Variants in AFF3 observed in about 807,000 individuals in gnomAD.
The protein encoded by AFF3 is AF4/FMR2 family member 3.
In AFF3, 32 loss-of-function variants were observed where a neutral mutation model predicts 129.7. That is an observed-to-expected ratio of 0.25 (90% CI 0.19 to 0.33). The LOEUF is 0.33. Among genes scored for constraint, AFF3 ranks in the 10% least tolerant of loss-of-function variants. AFF3 has a pLI of 1.00. For missense variants in AFF3, 1,373 were observed against 1,592.0 expected (o/e 0.86, Z 2.34); for synonymous variants, 644 against 635.4 (o/e 1.01, Z -0.20).
chr2:99,811,634 C>T (rs1267105330), intron 8 of AFF3, among the ~76,000 whole-genome samples: 4 of 152,132 alleles, frequency 2.6e-5, no homozygotes, highest in Admixed American at 1.3e-4. Context: ...TAAAGTATGC[C>T]CCTTGCAGAG....
At chr2:99,954,763 T>C (rs1344717558) in intron 7 of AFF3, among the ~76,000 whole-genome samples, 1 of 84,120 alleles carries the variant, frequency 1.2e-5, no homozygotes, top group African/African-American at 4.8e-5. Context: ...TGGGGACTGT[T>C]GTGGGGTGGG....
intron 7 of AFF3, among the ~76,000 whole-genome samples, chr2:99,861,958 C>A (rs1298920267): frequency 2.6e-5 from 4 of 152,166 alleles, no homozygotes; most frequent in Non-Finnish European, 4.4e-5. Context: ...CACTCCCCAT[C>A]TGCCACCTTT....
At chr2:100,073,958 G>A (rs1488440934) in intron 4 of AFF3, among the ~76,000 whole-genome samples, 1 of 152,210 alleles carries the variant, frequency 6.6e-6, no homozygotes, top group African/African-American at 2.4e-5. Context: ...CACGTGATCT[G>A]TATAATAGGG....
At chr2:99,922,119 G>A (rs1437596931) in intron 7 of AFF3, among the ~76,000 whole-genome samples, 2 of 152,152 alleles carry the variant, frequency 1.3e-5, no homozygotes, top group Non-Finnish European at 2.9e-5. Context: ...AAAAACCGCT[G>A]ACTAAGTATG....
chr2:99,820,464 C>T (rs148891042), intron 8 of AFF3, among the ~76,000 whole-genome samples: 99 of 152,078 alleles, frequency 6.5e-4, no homozygotes, highest in African/African-American at 2.3e-3. Context: ...CTGGGTGAGT[C>T]AGTGAGTGAG....
At position 99,548,401 on chromosome 2, in the gene AFF3, G is replaced by A. The variant is rs1674179563; in HGVS notation, c.*3073C>T. The A allele has an allele frequency of 5.1e-6, 1 of 196,718 alleles. No individual in the cohort carries two copies. The highest frequency in any genetic ancestry group is 7.9e-5 in the East Asian group (1 of 12,630). 12.2% of individuals were successfully genotyped at this position (196,718 alleles called of 1,614,324 possible). ...TCTGCACTGTTTGAGTTTTTACAAT[G>A]AGTAGATATTACTTTTCTAATTAGA... On this transcript the variant is annotated 3_prime_UTR_variant, in exon 25 of 25. Coordinates refer to ENST00000672756, the MANE Select transcript of AFF3 (RefSeq NM_001386135.1).
chr2:99,805,121 T>C (rs1322441228), intron 8 of AFF3, among the ~76,000 whole-genome samples: 10 of 152,168 alleles, frequency 6.6e-5, no homozygotes, highest in African/African-American at 1.7e-4. Flanking sequence ...CTTAGTGTAA[T>C]TGACAGCAAA....
At chr2:99,805,851 C>CACAT (rs57054788) in intron 8 of AFF3, among the ~76,000 whole-genome samples, 3 of 150,442 alleles carry the variant, frequency 2.0e-5, no homozygotes, top group South Asian at 2.1e-4. Context: ...CACACACACA[C>CACAT]GATGAAGGAA....
chr2:99,933,150 T>C (rs1323927566), intron 7 of AFF3, among the ~76,000 whole-genome samples: 2 of 151,760 alleles, frequency 1.3e-5, no homozygotes, highest in East Asian at 3.9e-4. Context: ...CCGGAGGTCT[T>C]TTTTTTTAAA....
chr2:99,775,867 A>C (rs987682654), intron 8 of AFF3, among the ~76,000 whole-genome samples: 5 of 152,178 alleles, frequency 3.3e-5, no homozygotes, highest in Non-Finnish European at 5.9e-5. Flanking sequence ...AAATACCCCG[A>C]AACATGAATA....
chr2:100,118,455 G>T (rs1035379478), intron 2 of AFF3, among the ~76,000 whole-genome samples: 1 of 152,144 alleles, frequency 6.6e-6, no homozygotes, highest in African/African-American at 2.4e-5. Flanking sequence ...GATGGTTATA[G>T]CTCCATTGTT....
rs191882609 is a variant in AFF3, at chr2:99,765,849, A to G, written c.922-13548T>C. 3.9e-5 allele frequency among the ~76,000 whole-genome samples: 6 copies of G among 152,360 alleles called. No homozygotes were observed. The East Asian group carries it at 1.2e-3, about 29-fold the overall frequency. On this transcript the variant is annotated intron_variant, in intron 8 of 24. Coordinates refer to ENST00000672756, the MANE Select transcript of AFF3 (RefSeq NM_001386135.1). ...TTAATAAAAATGTGCTTATTAAACA[A>G]TAATTTGCTTCCTTAACTCCCTTCA...
intron 4 of AFF3, among the ~76,000 whole-genome samples, chr2:100,014,259 C>T (rs1682801658): frequency 6.6e-6 from 1 of 152,044 alleles, no homozygotes; most frequent in African/African-American, 2.4e-5. Flanking sequence ...ATCCAAACTA[C>T]TGATATGTCT....
At chr2:99,783,221 T>A (rs1472270998) in intron 8 of AFF3, among the ~76,000 whole-genome samples, 1 of 152,228 alleles carries the variant, frequency 6.6e-6, no homozygotes, top group East Asian at 1.9e-4. Flanking sequence ...TGCCATGCAC[T>A]GCCAACCCCT....
chr2:99,732,953 G>A (rs770924956), intron 10 of AFF3, among the ~76,000 whole-genome samples: 1 of 152,068 alleles, frequency 6.6e-6, no homozygotes, highest in Non-Finnish European at 1.5e-5. Flanking sequence ...TAAATATTTT[G>A]TACTTGCTCT....
At chr2:99,646,930 T>C (rs1434530375) in intron 13 of AFF3, among the ~76,000 whole-genome samples, 2 of 152,250 alleles carry the variant, frequency 1.3e-5, no homozygotes, top group African/African-American at 4.8e-5. Context: ...GGGGATTACG[T>C]CTGTGGCCCT....
intron 13 of AFF3, among the ~76,000 whole-genome samples, chr2:99,626,519 T>C (rs866346855): frequency 2.2e-4 from 20 of 92,318 alleles, no homozygotes; most frequent in Non-Finnish European, 3.3e-4. Context: ...TTCCCCTTCC[T>C]CTTCCTTCCT....
intron 7 of AFF3, among the ~76,000 whole-genome samples, chr2:99,870,370 G>T (rs1691781954): frequency 6.6e-6 from 1 of 152,226 alleles, no homozygotes; most frequent in African/African-American, 2.4e-5. Flanking sequence ...CCCTGACTCT[G>T]CAGCCACGTA....
intron 19 of AFF3, 110 bp from the exon 20 acceptor site, chr2:99,565,733 T>C (rs1009278721): frequency 8.3e-7 from 1 of 1,211,454 alleles, no homozygotes; most frequent in African/African-American, 1.5e-5. Flanking sequence ...ACTTCTAAAA[T>C]CCTATGAAGC....
Sources: gnomAD v4.1 joint callset for allele counts (sites outside exome capture counted in the v4.1 genomes callset) on GRCh38, gnomAD v4.1.1 for gene constraint, MANE v1.5 for transcripts, NCBI Gene and HGNC (gene_info 2026-07-23, HGNC 2026-07-21) for gene names.